ARHGAP27: variants seen among roughly 807,000 people sequenced by gnomAD.
ARHGAP27 encodes Rho GTPase activating protein 27, also known as rho GTPase-activating protein 27.
A neutral mutation model predicts 102.0 loss-of-function variants in ARHGAP27; 53 were observed. The ratio of observed to expected loss-of-function variants is 0.52; its 90% confidence interval spans 0.42 to 0.65. ARHGAP27 has a LOEUF of 0.65. ARHGAP27 is among the 30% of genes least tolerant of loss of function. The pLI, the probability that ARHGAP27 is intolerant of heterozygous loss-of-function variation, is 0.00. For missense variants in ARHGAP27, 1,117 were observed against 1,256.2 expected (o/e 0.89, Z 1.68); for synonymous variants, 525 against 542.8 (o/e 0.97, Z 0.46).
rs116363066 is a variant in ARHGAP27 at position 45,401,370 on chromosome 17, C to T, written c.1743+1344G>A. Among the ~76,000 whole-genome samples, 245 of 152,232 alleles carry T rather than the reference C, an allele frequency of 1.6e-3. 2 individuals are homozygous for T. The highest frequency in any genetic ancestry group is 5.6e-3 in the African/African-American group (234 of 41,548). On this transcript the variant is annotated intron_variant, in intron 12 of 19. Coordinates refer to ENST00000685559, the MANE Select transcript of ARHGAP27 (RefSeq NM_001282290.2). ...CAGAAACAAAAAATAAAAACAAAAACAAAACCCCACAAGACTCCAGACCTA... is the reference window on the plus strand; with the variant it reads ...CAGAAACAAAAAATAAAAACAAAAATAAAACCCCACAAGACTCCAGACCTA...
chr17:45,425,378 G>A (rs2049488136), intron 4 of ARHGAP27, among the ~76,000 whole-genome samples: 1 of 152,146 alleles, frequency 6.6e-6, no homozygotes, highest in South Asian at 2.1e-4. Flanking sequence ...CTGTCCCAAG[G>A]CCAGTTCCTT....
chr17:45,398,490 C>G (rs1429451490), intron 12 of ARHGAP27, among the ~76,000 whole-genome samples: 1 of 152,122 alleles, frequency 6.6e-6, no homozygotes, highest in Non-Finnish European at 1.5e-5. Context: ...AATCCCAGCA[C>G]TTTGGGAGGC....
In ARHGAP27 at chr17:45,430,658, C is replaced by T. The variant is rs894552222; in HGVS notation, c.-18-361G>A. 1.3e-5 allele frequency among the ~76,000 whole-genome samples: 2 copies of T among 152,160 alleles called. No individual in the cohort carries two copies. The highest frequency in any genetic ancestry group is 2.9e-5 in the Non-Finnish European group (2 of 68,028). ...CGCTCTAAGGTCGACACCACGCTTG[C>T]TTAATAGTTGACTGCGCCTTAGTTT... On this transcript the variant is annotated intron_variant, in intron 3 of 19. Transcript: ENST00000685559. This position sits in a 1 kb window ranked among gnomAD's most constrained non-coding sequence, Gnocchi z 4.4.
chr17:45,430,652 C>A lies in ARHGAP27; in HGVS notation c.-18-355G>T, dbSNP rs1055861667. ...ATTGCCCGCTCTAAGGTCGACACCA[C>A]GCTTGCTTAATAGTTGACTGCGCCT... On this transcript the variant is annotated intron_variant, in intron 3 of 19. Coordinates refer to ENST00000685559, the MANE Select transcript of ARHGAP27 (RefSeq NM_001282290.2). This position sits in a 1 kb window ranked among gnomAD's most constrained non-coding sequence, Gnocchi z 4.4. 2.0e-5 allele frequency among the ~76,000 whole-genome samples: 3 copies of A among 152,156 alleles called. No individual in the cohort carries two copies. Among genetic ancestry groups the A allele is most frequent in the African/African-American group, 7.2e-5 (3 of 41,432 alleles).
intron 4 of ARHGAP27, among the ~76,000 whole-genome samples, chr17:45,412,066 A>C (rs2047974308): frequency 6.6e-6 from 1 of 152,180 alleles, no homozygotes; most frequent in Admixed American, 6.5e-5. Context: ...CTGGGACTGC[A>C]GAATGGGCAG....
At chr17:45,403,917 C>T (rs2046786963) in intron 10 of ARHGAP27, 112 bp downstream of exon 10, 1 of 1,240,640 alleles carries the variant, frequency 8.1e-7, no homozygotes, top group Admixed American at 2.0e-5. Flanking sequence ...CACAGAGGAC[C>T]ACTCACGAAG....
At position 45,416,673 on chromosome 17, in the gene ARHGAP27, G is replaced by A. The variant is rs528330787; in HGVS notation, c.658-10590C>T. ...AAGCAATTCTCTGCCTCTGCCTCCA[G>A]AGTAGCTGGGATCACAGGCGCCCAC... On this transcript the variant is annotated intron_variant, in intron 4 of 19. Coordinates refer to ENST00000685559, the MANE Select transcript of ARHGAP27 (RefSeq NM_001282290.2). Among the ~76,000 whole-genome samples, 10 of 151,094 alleles carry A rather than the reference G, an allele frequency of 6.6e-5. No individual in the cohort carries two copies. The South Asian group carries it at 1.7e-3, about 25-fold the overall frequency.
At chr17:45,400,751 C>A (rs1321988080) in intron 12 of ARHGAP27, among the ~76,000 whole-genome samples, 1 of 151,824 alleles carries the variant, frequency 6.6e-6, no homozygotes, top group Non-Finnish European at 1.5e-5. Flanking sequence ...CCTGTCTTTA[C>A]TAAATACAAA....
At position 45,427,682 on chromosome 17, in the gene ARHGAP27, A is replaced by G. The variant is rs1201755566; in HGVS notation, c.657+1941T>C. Among the ~76,000 whole-genome samples, 3 of 152,194 alleles carry G rather than the reference A, an allele frequency of 2.0e-5. No individual in the cohort carries two copies. The highest frequency in any genetic ancestry group is 4.4e-5 in the Non-Finnish European group (3 of 68,022). On this transcript the variant is annotated intron_variant, in intron 4 of 19. Coordinates refer to ENST00000685559, the MANE Select transcript of ARHGAP27 (RefSeq NM_001282290.2). The surrounding 1 kb of genome is among the most constrained non-coding windows in gnomAD (Gnocchi z 4.5). ...CAGGGAACGTGGTATTATTGCACAC[A>G]TCGCACAGGGGAGGAAACAGGACCA...
In ARHGAP27 at chr17:45,406,028, G is replaced by T. The variant is rs2047123013; in HGVS notation, c.713C>A (p.Thr238Asn). Residue 238 changes from threonine to asparagine, a missense_variant, in exon 5 of 20, where the codon ACT becomes AAT. By Grantham distance (65) the Thr-to-Asn change is moderately conservative (BLOSUM62 0). Transcript: ENST00000685559. ...YANIERQPRATSPGAAAAPLP... is the reference protein window; with the variant it reads ...YANIERQPRANSPGAAAAPLP... ...GGGGGCTGCAGCGGCGCCCGGTGAAGTGGCCCGGGGCTGCCTCTCTATGTT... is the reference window on the plus strand; with the variant it reads ...GGGGGCTGCAGCGGCGCCCGGTGAATTGGCCCGGGGCTGCCTCTCTATGTT... 6.5e-7 allele frequency: 1 copy of T among 1,534,710 alleles called. No homozygotes were observed. Among genetic ancestry groups the T allele is most frequent in the East Asian group, 2.4e-5 (1 of 40,868 alleles).
intron 4 of ARHGAP27, among the ~76,000 whole-genome samples, chr17:45,428,748 G>T (rs2049829270): frequency 6.6e-6 from 1 of 152,124 alleles, no homozygotes; most frequent in Non-Finnish European, 1.5e-5. Flanking sequence ...GAGAGGAAAA[G>T]AACTGCCCCT....
intron 4 of ARHGAP27, among the ~76,000 whole-genome samples, chr17:45,416,828 TG>T (rs1360306005): frequency 6.7e-6 from 1 of 149,068 alleles, no homozygotes; most frequent in Non-Finnish European, 1.5e-5. Context: ...ATTACAGGCG[TG>T]AGCCACCGCG....
At position 45,395,285 on chromosome 17, in the gene ARHGAP27, A is replaced by G. The variant is rs948952035; in HGVS notation, c.*171T>C. The G allele has an allele frequency of 1.3e-6, 1 of 768,840 alleles. No homozygotes were observed. The highest frequency in any genetic ancestry group is 1.8e-5 in the African/African-American group (1 of 56,470). 47.6% of individuals were successfully genotyped at this position (768,840 alleles called of 1,614,324 possible). On this transcript the variant is annotated 3_prime_UTR_variant, in exon 20 of 20. Transcript: ENST00000685559. ...GGGAAGAAGGAATCACATTTTGCAA[A>G]CTGCCCACTAGGGGTCACCGTACCC...
In ARHGAP27 at chr17:45,396,129, G is replaced by A; in HGVS notation, c.2252-12C>T. 6.2e-7 allele frequency: 1 copy of A among 1,606,836 alleles called. No homozygotes were observed. Among genetic ancestry groups the A allele is most frequent in the Non-Finnish European group, 8.5e-7 (1 of 1,175,848 alleles). ...GTCAAGGCGCTCATCTGTGGCGGAGGAAGGGAGGAGGACGGAAGGGAAATC... is the reference window on the plus strand; with the variant it reads ...GTCAAGGCGCTCATCTGTGGCGGAGAAAGGGAGGAGGACGGAAGGGAAATC... On this transcript the variant is annotated splice_polypyrimidine_tract_variant and intron_variant, in intron 17 of 19. Transcript: ENST00000685559.
chr17:45,426,974 C>A (rs1035503538), intron 4 of ARHGAP27, among the ~76,000 whole-genome samples: 1 of 152,154 alleles, frequency 6.6e-6, no homozygotes, highest in African/African-American at 2.4e-5. Flanking sequence ...TTCCCTTTGG[C>A]ACCTAAATCC....
rs775518547 is a variant in ARHGAP27, at chr17:45,396,544, C to A, written c.2116G>T (p.Glu706Ter). The A allele has an allele frequency of 2.5e-6, 4 of 1,593,238 alleles. No homozygotes were observed. The Admixed American group carries it at 6.8e-5, about 27-fold the overall frequency. The stretch of plus-strand genomic sequence containing the variant: ...ACGAAGCGTGGCACCCGGCTCCTCT[C>A]GCGCTCACACAGCGCGGCCAGCGCG... ...GCALAALCER[E>*]RSRVPRFVQQ... The change falls in exon 16 of 20, where the codon GAG (glutamate) becomes TAG (stop). Residue 706 changes from glutamate (E) to a stop codon, truncating the protein, a stop_gained. Coordinates refer to ENST00000685559, the MANE Select transcript of ARHGAP27 (RefSeq NM_001282290.2). LOFTEE classifies it high-confidence loss of function.
chr17:45,401,994 C>T (rs1202897361), intron 12 of ARHGAP27, among the ~76,000 whole-genome samples: 1 of 152,160 alleles, frequency 6.6e-6, no homozygotes, highest in East Asian at 1.9e-4. Flanking sequence ...GTACTGAGGT[C>T]AGGGTAAGAG....
intron 10 of ARHGAP27, 106 bp downstream of exon 10, chr17:45,403,923 C>T (rs958409014): frequency 7.6e-6 from 10 of 1,318,702 alleles, no homozygotes; most frequent in African/African-American, 5.8e-5. Context: ...GGACCACTCA[C>T]GAAGTTGTTG....
intron 4 of ARHGAP27, among the ~76,000 whole-genome samples, chr17:45,415,670 C>T (rs568077977): frequency 3.3e-5 from 5 of 152,292 alleles, no homozygotes; most frequent in Admixed American, 2.0e-4. Flanking sequence ...CCCATTGATC[C>T]GACCAGCCTA....
Sources: allele counts gnomAD v4.1 joint callset (sites outside exome capture counted in the v4.1 genomes callset), GRCh38; gene constraint gnomAD v4.1.1; non-coding constraint Gnocchi (gnomAD v3.1); transcripts MANE v1.5; gene names NCBI Gene and HGNC (gene_info 2026-07-23, HGNC 2026-07-21).